Variants in COL4A2 observed in about 807,000 individuals in gnomAD.
COL4A2 encodes collagen alpha-2(IV) chain.
In COL4A2, 99 loss-of-function variants were observed where a neutral mutation model predicts 200.2. That is an observed-to-expected ratio of 0.49 (90% CI 0.42 to 0.58). COL4A2 has a LOEUF of 0.58. Among genes scored for constraint, COL4A2 ranks in the 20% least tolerant of loss-of-function variants. COL4A2 has a pLI of 0.00. For synonymous variants in COL4A2, 897 were observed against 900.6 expected (o/e 1.00, Z 0.07); for missense variants, 1,950 against 2,314.1 (o/e 0.84, Z 3.23).
chr13:110,460,550 G>A (rs1403481835), intron 22 of COL4A2, among the ~76,000 whole-genome samples: 1 of 152,148 alleles, frequency 6.6e-6, no homozygotes, highest in Non-Finnish European at 1.5e-5. Context: ...ACCCCATTCT[G>A]TGCCCCTGAA....
intron 4 of COL4A2, among the ~76,000 whole-genome samples, chr13:110,403,086 T>C (rs1330096138): frequency 1.0e-5 from 1 of 96,960 alleles, no homozygotes; most frequent in Non-Finnish European, 2.6e-5. Context: ...AAAGATTGCC[T>C]CCGGAGGTCC....
chr13:110,441,516 G>T (rs1293521770), intron 16 of COL4A2, among the ~76,000 whole-genome samples: 2 of 152,164 alleles, frequency 1.3e-5, no homozygotes, highest in African/African-American at 2.4e-5. Flanking sequence ...ATCACACCCA[G>T]CCTTTCATAA....
chr13:110,371,891 T>C (rs907805134), intron 4 of COL4A2, among the ~76,000 whole-genome samples: 5 of 152,142 alleles, frequency 3.3e-5, no homozygotes, highest in Non-Finnish European at 4.4e-5. Context: ...TATATGCTGT[T>C]GGCTTTGAGA....
chr13:110,508,689 A>T lies in COL4A2; in HGVS notation c.4881+468A>T, dbSNP rs891070048. ...ATATATTCGTGAGGAAAATTCTGGA[A>T]TACCTTTGGGTATAAAATAGAGAGC... is the stretch of plus-strand genomic sequence containing the variant. On this transcript the variant is annotated intron_variant, in intron 47 of 47. Transcript: ENST00000360467. This position sits in a 1 kb window ranked among gnomAD's most constrained non-coding sequence, Gnocchi z 6.1. Among the ~76,000 whole-genome samples, 44 of 152,224 alleles carry T rather than the reference A, an allele frequency of 2.9e-4. No individual in the cohort carries two copies. The highest frequency in any genetic ancestry group is 7.9e-4 in the Admixed American group (12 of 15,284).
At position 110,512,112 on chromosome 13, in the gene COL4A2, C is replaced by T. The variant is rs746110125; in HGVS notation, c.5060C>T (p.Ser1687Leu). ...TTIPEQSFQG[S>L]PSADTLKAGL... Reference sequence around the variant, plus strand: ...ATTCCCGAGCAGAGCTTCCAGGGCTCGCCCTCCGCCGACACGCTCAAGGCC... The same window carrying T: ...ATTCCCGAGCAGAGCTTCCAGGGCTTGCCCTCCGCCGACACGCTCAAGGCC... The change falls in exon 48 of 48, where the codon TCG (serine) becomes TTG (leucine). Residue 1687 changes from serine (S) to leucine (L), a missense_variant. Transcript: ENST00000360467. The T allele has an allele frequency of 1.1e-5, 17 of 1,613,454 alleles. No individual in the cohort carries two copies. The Admixed American group carries it at 1.2e-4, about 11-fold the overall frequency.
intron 16 of COL4A2, among the ~76,000 whole-genome samples, chr13:110,441,597 C>A (rs535371414): frequency 2.0e-5 from 3 of 152,232 alleles, no homozygotes; most frequent in Admixed American, 6.5e-5. Flanking sequence ...TGCACCCCAC[C>A]CAGAGGCCAC....
chr13:110,371,788 C>T (rs889160325), intron 4 of COL4A2, among the ~76,000 whole-genome samples: 1 of 152,086 alleles, frequency 6.6e-6, no homozygotes, highest in Admixed American at 6.5e-5. Context: ...GGGGCCTGGG[C>T]GCTGCAAAGA....
intron 4 of COL4A2, among the ~76,000 whole-genome samples, chr13:110,394,592 T>G (rs1879121785): frequency 6.6e-6 from 1 of 152,224 alleles, no homozygotes; most frequent in African/African-American, 2.4e-5. Flanking sequence ...ACAAGGATGG[T>G]CTTGGTGCAC....
intron 31 of COL4A2, 25 bp downstream of exon 31, chr13:110,480,415 A>T: frequency 6.3e-7 from 1 of 1,595,400 alleles, no homozygotes; most frequent in Non-Finnish European, 8.5e-7. Context: ...GTGACCAGGG[A>T]TCCCTTGGCG....
At chr13:110,360,689 G>A (rs566057426) in intron 4 of COL4A2, among the ~76,000 whole-genome samples, 3 of 152,342 alleles carry the variant, frequency 2.0e-5, no homozygotes, top group South Asian at 2.1e-4. Flanking sequence ...GGGCTTGGCT[G>A]TCCTCTAGTT....
chr13:110,315,722 T>C (rs556256085), intron 3 of COL4A2, among the ~76,000 whole-genome samples: 1 of 152,338 alleles, frequency 6.6e-6, no homozygotes, highest in Non-Finnish European at 1.5e-5. Context: ...CCCAGTAACA[T>C]GTCTTCTTTA....
chr13:110,424,942 T>G lies in COL4A2; in HGVS notation c.316-11T>G. ...CTCAGCCTTGGTTAATTGCATTTGCTTTCTTCATAGGGAGCAAGAGGCGTT... is the reference window on the plus strand; with the variant it reads ...CTCAGCCTTGGTTAATTGCATTTGCGTTCTTCATAGGGAGCAAGAGGCGTT... On this transcript the variant is annotated splice_polypyrimidine_tract_variant and intron_variant, in intron 5 of 47. Coordinates refer to ENST00000360467, the MANE Select transcript of COL4A2 (RefSeq NM_001846.4). The G allele has an allele frequency of 6.2e-7, 1 of 1,614,242 alleles. No individual in the cohort carries two copies. Among genetic ancestry groups the G allele is most frequent in the Non-Finnish European group, 8.5e-7 (1 of 1,180,042 alleles).
intron 4 of COL4A2, among the ~76,000 whole-genome samples, chr13:110,415,191 ATAG>A (rs1209907213): frequency 6.6e-6 from 1 of 152,240 alleles, no homozygotes. Flanking sequence ...TCTCTTGCTG[ATAG>A]TGGTGGTTAC....
At chr13:110,492,240 G>T (rs1223896040) in intron 38 of COL4A2, 63 bp downstream of exon 38, 2 of 1,404,186 alleles carry the variant, frequency 1.4e-6, no homozygotes, top group Non-Finnish European at 2.0e-6. Flanking sequence ...AGGAGGCACC[G>T]CTGAGCAGGC....
intron 3 of COL4A2, among the ~76,000 whole-genome samples, chr13:110,344,331 T>C (rs1876605980): frequency 6.6e-6 from 1 of 152,182 alleles, no homozygotes; most frequent in African/African-American, 2.4e-5. Context: ...CAAATAGCCT[T>C]CATAAAAGAT....
At position 110,362,339 on chromosome 13, in the gene COL4A2, T is replaced by C. The variant is rs1594170005; in HGVS notation, c.180+4787T>C. 2.0e-5 allele frequency among the ~76,000 whole-genome samples: 3 copies of C among 152,338 alleles called. No individual in the cohort carries two copies. The East Asian group carries it at 5.8e-4, about 29-fold the overall frequency. ...CATGTTCTCAGATTTACCCCTCCAC[T>C]GAATACCAGGCAATCATCAGCACCA... On this transcript the variant is annotated intron_variant, in intron 4 of 47. Coordinates refer to ENST00000360467, the MANE Select transcript of COL4A2 (RefSeq NM_001846.4).
rs1883966990 is a variant in COL4A2, at chr13:110,508,508, G to A, written c.4881+287G>A. ...ACTTGCCTGTTATCCGTCTTACTAGGTACAACACCAACACCAAAGGTGCAG... is the reference window on the plus strand; with the variant it reads ...ACTTGCCTGTTATCCGTCTTACTAGATACAACACCAACACCAAAGGTGCAG... On this transcript the variant is annotated intron_variant, in intron 47 of 47. Coordinates refer to ENST00000360467, the MANE Select transcript of COL4A2 (RefSeq NM_001846.4). The surrounding 1 kb of genome is among the most constrained non-coding windows in gnomAD (Gnocchi z 6.1). Among the ~76,000 whole-genome samples, 1 of 152,214 alleles carries A rather than the reference G, an allele frequency of 6.6e-6. No homozygotes were observed. The highest frequency in any genetic ancestry group is 2.4e-5 in the African/African-American group (1 of 41,456).
chr13:110,511,136 A>C (rs577758376), intron 47 of COL4A2, among the ~76,000 whole-genome samples: 71 of 152,220 alleles, frequency 4.7e-4, no homozygotes, highest in African/African-American at 1.6e-3. Context: ...CAGCCAAGCC[A>C]AATGGCCCTT....
rs867390158 is a variant in COL4A2, at chr13:110,313,564, C to T, written c.99+5441C>T. Among the ~76,000 whole-genome samples, 292 of 62,282 alleles carry T rather than the reference C, an allele frequency of 4.7e-3. 10 individuals are homozygous for T. The highest frequency in any genetic ancestry group is 7.5e-3 in the Non-Finnish European group (205 of 27,288). The allele number at this position is 62,282 out of a possible 152,430, so 40.9% of individuals were successfully genotyped here. On this transcript the variant is annotated intron_variant, in intron 3 of 47. Transcript: ENST00000360467. Reference sequence around the variant, plus strand: ...GCCCCGCGTCCACCCGGCAGGCTCCCACCCCAGTGCCCCGTGTCCACCCGG... The same window carrying T: ...GCCCCGCGTCCACCCGGCAGGCTCCTACCCCAGTGCCCCGTGTCCACCCGG...
Sources: allele counts gnomAD v4.1 joint callset (sites outside exome capture counted in the v4.1 genomes callset), GRCh38; gene constraint gnomAD v4.1.1; non-coding constraint Gnocchi (gnomAD v3.1); transcripts MANE v1.5; gene names NCBI Gene and HGNC (gene_info 2026-07-23, HGNC 2026-07-21).